The following EIPR1 variants were observed in gnomAD, a reference collection of about 807,000 sequenced individuals.
EIPR1 encodes EARP complex and GARP complex interacting protein 1.
Under a neutral mutation model 48.1 loss-of-function variants are expected in EIPR1, and 25 were observed. The ratio of observed to expected loss-of-function variants is 0.52; its 90% CI spans 0.38 to 0.73. The LOEUF is 0.73. EIPR1 is among the 30% of genes least tolerant of loss of function. The pLI, the probability that EIPR1 is intolerant of heterozygous loss-of-function variation, is 0.00. For missense variants in EIPR1, 415 were observed against 506.2 expected, an observed-to-expected ratio of 0.82 and a Z score of 1.73; for synonymous variants, 204 against 201.9, an observed-to-expected ratio of 1.01 and a Z score of -0.09.
chr2:3,310,436 A>G (rs13402083), intron 3 of EIPR1, among the ~76,000 whole-genome samples: 65,373 of 139,240 alleles, frequency 0.47, 17,554 homozygotes, highest in East Asian at 0.81. Flanking sequence ...GGCGGATCAC[A>G]AGGTCAGGAG....
intron 1 of EIPR1, among the ~76,000 whole-genome samples, chr2:3,366,848 T>A (rs1489451065): frequency 6.6e-6 from 1 of 151,770 alleles, no homozygotes; most frequent in East Asian, 1.9e-4. Flanking sequence ...AGGTCAGGAG[T>A]TCGAGACCAG....
chr2:3,320,147 C>CCACCCCTGCGGGCAACAT (rs1197678310), intron 3 of EIPR1: 1 of 193,996 alleles, frequency 5.2e-6, no homozygotes, highest in Admixed American at 6.5e-5. Flanking sequence ...GCGGGCAACA[C>CCACCCCTGCGGGCAACAT]CACCCCTGCA....
At chr2:3,373,270 TATC>T (rs1659754942) in intron 1 of EIPR1, among the ~76,000 whole-genome samples, 2 of 151,320 alleles carry the variant, frequency 1.3e-5, no homozygotes. Context: ...CCACAGCCAA[TATC>T]ATACTGAATG....
At chr2:3,377,593 C>G in intron 1 of EIPR1, 55 bp downstream of exon 1, 1 of 1,551,188 alleles carries the variant, frequency 6.4e-7, no homozygotes, top group East Asian at 2.4e-5. Context: ...CATGGGACCG[C>G]GCATGCTATC....
At chr2:3,259,911 C>T (rs1667274175) in intron 3 of EIPR1, among the ~76,000 whole-genome samples, 1 of 152,180 alleles carries the variant, frequency 6.6e-6, no homozygotes, top group East Asian at 1.9e-4. Flanking sequence ...TCATAACATA[C>T]TCAAAAACCA....
intron 4 of EIPR1, among the ~76,000 whole-genome samples, chr2:3,254,203 C>T (rs1372874812): frequency 2.0e-5 from 3 of 152,182 alleles, no homozygotes; most frequent in African/African-American, 7.2e-5. Context: ...ATAACACTTT[C>T]ACACCATGGA....
At chr2:3,347,915 T>G (rs1021558649) in intron 2 of EIPR1, among the ~76,000 whole-genome samples, 2 of 152,160 alleles carry the variant, frequency 1.3e-5, no homozygotes, top group Non-Finnish European at 2.9e-5. Context: ...TAGGTCCTTT[T>G]ACCATTAAAG....
chr2:3,313,757 T>C lies in EIPR1; in HGVS notation c.259+24260A>G, dbSNP rs542912137. Among the ~76,000 whole-genome samples the C allele has an allele frequency of 2.0e-5, 3 of 152,290 alleles. No homozygotes were observed. In the East Asian group the frequency reaches 5.8e-4, roughly 29 times the overall value. On this transcript the variant is annotated intron_variant, in intron 3 of 8. Coordinates refer to ENST00000382125, the MANE Select transcript of EIPR1 (RefSeq NM_003310.5). ...GATCTGGGTTTCAGAAAAGTCACTGTAGGAGTCAAACTGTCTTTGTTCCCA... is the reference window on the plus strand; with the variant it reads ...GATCTGGGTTTCAGAAAAGTCACTGCAGGAGTCAAACTGTCTTTGTTCCCA...
intron 4 of EIPR1, among the ~76,000 whole-genome samples, chr2:3,226,136 T>C (rs1666058264): frequency 6.6e-6 from 1 of 152,270 alleles, no homozygotes; most frequent in Admixed American, 6.5e-5. Flanking sequence ...AATGATTTCA[T>C]TTCCTTTGGA....
intron 3 of EIPR1, among the ~76,000 whole-genome samples, chr2:3,297,036 A>AGTTAACAT (rs1326290089): frequency 8.4e-6 from 1 of 118,824 alleles, no homozygotes; most frequent in Non-Finnish European, 1.9e-5. Context: ...AGGTGGTGGC[A>AGTTAACAT]GTTTCTCTCT....
Position 3,312,920 on chromosome 2 carries a change from T to G in EIPR1, c.259+25097A>C, listed in dbSNP as rs879320802. Among the ~76,000 whole-genome samples the G allele has an allele frequency of 6.6e-6, 1 of 152,222 alleles. No homozygotes were observed. The highest frequency in any genetic ancestry group is 6.5e-5 in the Admixed American group (1 of 15,280). On this transcript the variant is annotated intron_variant, in intron 3 of 8. Transcript: ENST00000382125. This position sits in a 1 kb window ranked among gnomAD's most constrained non-coding sequence, Gnocchi z 5.5. Reference sequence around the variant, plus strand: ...AATAAAAACTTGGCACAGGACTGACTGACACTGAAAACTACTCCTTATTTA... The same window carrying G: ...AATAAAAACTTGGCACAGGACTGACGGACACTGAAAACTACTCCTTATTTA...
At chr2:3,209,445 G>A (rs372820749) in intron 5 of EIPR1, among the ~76,000 whole-genome samples, 5 of 152,196 alleles carry the variant, frequency 3.3e-5, no homozygotes, top group East Asian at 3.9e-4. Context: ...CGTGTCCCCC[G>A]CATGGCGAGG....
At position 3,196,945 on chromosome 2, in the gene EIPR1, T is replaced by C. The variant is rs1664831621; in HGVS notation, c.589A>G (p.Asn197Asp). The C allele has an allele frequency of 1.2e-6, 2 of 1,613,846 alleles. No individual in the cohort carries two copies. Among genetic ancestry groups the C allele is most frequent in the African/African-American group, 2.7e-5 (2 of 74,932 alleles). ...FTSGRWSPHH[N>D]CTQVATANDT... ...TTCGCTGTGGCCACCTGGGTGCAGT[T>C]ATGATGTGGGCTCCACCGTCCTGAG... The change falls in exon 6 of 9, where the codon AAC becomes GAC. Residue 197 changes from asparagine (N) to aspartate (D), a missense_variant. By Grantham distance (23) the Asn-to-Asp change is conservative. Transcript: ENST00000382125.
rs997029490 is a variant in EIPR1, at chr2:3,335,174, C to T, written c.259+2843G>A. 5.3e-5 allele frequency among the ~76,000 whole-genome samples: 8 copies of T among 152,102 alleles called. No individual in the cohort carries two copies. In the South Asian group the frequency reaches 6.2e-4, roughly 12 times the overall value. On this transcript the variant is annotated intron_variant, in intron 3 of 8. Transcript: ENST00000382125. The stretch of plus-strand genomic sequence containing the variant: ...GGGGCCTGGAGACCCCAGGCCAGTG[C>T]GCTACGAAGCTACAGCCAGTACACA...
chr2:3,239,176 G>A (rs1013552572), intron 4 of EIPR1, among the ~76,000 whole-genome samples: 2 of 152,226 alleles, frequency 1.3e-5, no homozygotes, highest in Non-Finnish European at 2.9e-5. Flanking sequence ...ACAAGGAGGC[G>A]CCAAGGGTCT....
At chr2:3,331,092 T>G (rs1669884054) in intron 3 of EIPR1, among the ~76,000 whole-genome samples, 1 of 136,922 alleles carries the variant, frequency 7.3e-6, no homozygotes. Flanking sequence ...TGAGATGGTG[T>G]GAGCAGAGGC....
chr2:3,303,408 T>G (rs1202380783), intron 3 of EIPR1, among the ~76,000 whole-genome samples: 1 of 152,130 alleles, frequency 6.6e-6, no homozygotes, highest in Non-Finnish European at 1.5e-5. Context: ...GCTGCTGCCT[T>G]AGGCTGCTGC....
intron 4 of EIPR1, among the ~76,000 whole-genome samples, chr2:3,228,270 G>A (rs1001178568): frequency 2.6e-5 from 4 of 152,276 alleles, no homozygotes; most frequent in Non-Finnish European, 5.9e-5. Flanking sequence ...GTGAGACATG[G>A]AGTCAAAGGA....
intron 3 of EIPR1, among the ~76,000 whole-genome samples, chr2:3,266,699 G>A (rs1667500128): frequency 6.6e-6 from 1 of 152,228 alleles, no homozygotes; most frequent in South Asian, 2.1e-4. Flanking sequence ...AAGTGGAGGT[G>A]TCAGGGGCTC....
Sources: allele counts gnomAD v4.1 joint callset (sites outside exome capture counted in the v4.1 genomes callset), GRCh38; gene constraint gnomAD v4.1.1; non-coding constraint Gnocchi (gnomAD v3.1); transcripts MANE v1.5; gene names NCBI Gene and HGNC (gene_info 2026-07-23, HGNC 2026-07-21).